CTNNA2: variants seen among roughly 807,000 people sequenced by gnomAD.
CTNNA2 encodes the protein catenin alpha 2.
Under a neutral mutation model 101.0 loss-of-function variants are expected in CTNNA2, and 42 were observed. That is an observed-to-expected ratio of 0.42 (90% CI 0.32 to 0.54). The LOEUF (loss-of-function observed/expected upper bound fraction) is 0.54. Ranked by LOEUF, CTNNA2 falls within the 20% of genes least tolerant of loss-of-function variation. The pLI is 0.14. For missense variants in CTNNA2, 871 were observed against 1,223.1 expected (o/e 0.71, Z 4.29); for synonymous variants, 450 against 456.4 (o/e 0.99, Z 0.18).
intron 7 of CTNNA2, among the ~76,000 whole-genome samples, chr2:80,064,899 G>A (rs1250600205): frequency 6.6e-6 from 1 of 152,170 alleles, no homozygotes; most frequent in Non-Finnish European, 1.5e-5. Context: ...GGATTACAGG[G>A]CCATCTTTGC....
intron 9 of CTNNA2, among the ~76,000 whole-genome samples, chr2:80,444,266 T>C (rs1347462177): frequency 1.3e-5 from 2 of 151,950 alleles, no homozygotes; most frequent in Non-Finnish European, 2.9e-5. Flanking sequence ...TTAGAAGTAT[T>C]AATTAGGCCA....
At chr2:80,589,993 T>C (rs774118023) in intron 15 of CTNNA2, among the ~76,000 whole-genome samples, 2 of 152,144 alleles carry the variant, frequency 1.3e-5, no homozygotes, top group Non-Finnish European at 2.9e-5. Context: ...TTCTTACATA[T>C]TAAGAATCAG....
intron 7 of CTNNA2, among the ~76,000 whole-genome samples, chr2:80,011,968 G>A (rs1177155284): frequency 2.0e-5 from 3 of 152,162 alleles, no homozygotes; most frequent in African/African-American, 7.2e-5. Flanking sequence ...CAGTACAACT[G>A]AAGCAGTCAT....
intron 11 of CTNNA2, among the ~76,000 whole-genome samples, chr2:80,547,429 T>A (rs1380007408): frequency 3.3e-5 from 5 of 152,142 alleles, no homozygotes; most frequent in Non-Finnish European, 7.4e-5. Flanking sequence ...AAAATCCAGA[T>A]CATCCTCTTT....
chr2:80,340,484 T>C (rs535430385), intron 7 of CTNNA2, among the ~76,000 whole-genome samples: 2 of 152,350 alleles, frequency 1.3e-5, no homozygotes, highest in Admixed American at 6.5e-5. Flanking sequence ...TTAATCTTCA[T>C]AATTTTCTAC....
upstream of CTNNA2, among the ~76,000 whole-genome samples, chr2:79,510,938 A>G (rs1284878723): frequency 6.6e-6 from 1 of 152,240 alleles, no homozygotes; most frequent in African/African-American, 2.4e-5. Context: ...AATTGCAATT[A>G]AAACAAAAAT....
chr2:80,368,722 T>A (rs1282910066), intron 7 of CTNNA2, among the ~76,000 whole-genome samples: 1 of 151,490 alleles, frequency 6.6e-6, no homozygotes, highest in Non-Finnish European at 1.5e-5. Flanking sequence ...TAAATATCTC[T>A]AACTGTTTTT....
intron 1 of CTNNA2, among the ~76,000 whole-genome samples, chr2:79,536,006 C>G (rs1171902213): frequency 6.6e-6 from 1 of 152,146 alleles, no homozygotes; most frequent in African/African-American, 2.4e-5. Context: ...TATAAGTTAA[C>G]TGGATGGTAC....
At chr2:80,578,701 C>G (rs1261590682) in intron 13 of CTNNA2, among the ~76,000 whole-genome samples, 1 of 152,118 alleles carries the variant, frequency 6.6e-6, no homozygotes, top group Admixed American at 6.6e-5. Flanking sequence ...GGCTCTGAAA[C>G]CGTCAACTTG....
chr2:80,496,795 T>C (rs1687511959), intron 9 of CTNNA2, among the ~76,000 whole-genome samples: 1 of 152,248 alleles, frequency 6.6e-6, no homozygotes, highest in Non-Finnish European at 1.5e-5. Context: ...GTTGCATTCA[T>C]AAGGAGAAAG....
At chr2:79,680,461 T>TAA (rs531704172) in intron 2 of CTNNA2, among the ~76,000 whole-genome samples, 1 of 151,894 alleles carries the variant, frequency 6.6e-6, no homozygotes, top group African/African-American at 2.4e-5. Flanking sequence ...CACAGAGGTG[T>TAA]CAAAAAAATG....
intron 7 of CTNNA2, among the ~76,000 whole-genome samples, chr2:80,225,395 A>G (rs1708824061): frequency 6.6e-6 from 1 of 152,140 alleles, no homozygotes; most frequent in Non-Finnish European, 1.5e-5. Flanking sequence ...GGTTCTTAAG[A>G]TTTATGACAG....
chr2:80,581,565 C>T (rs1278145717), intron 13 of CTNNA2, 141 bp from the exon 14 acceptor site: 9 of 566,124 alleles, frequency 1.6e-5, no homozygotes, highest in Non-Finnish European at 2.6e-5. Flanking sequence ...GGCTAATACT[C>T]ACCCACATAG....
chr2:80,564,711 G>A (rs138611910), intron 12 of CTNNA2, among the ~76,000 whole-genome samples: 4 of 152,222 alleles, frequency 2.6e-5, no homozygotes, highest in Non-Finnish European at 4.4e-5. Flanking sequence ...TGATTGACTC[G>A]GATGAAAGAA....
intron 6 of CTNNA2, among the ~76,000 whole-genome samples, chr2:79,891,629 A>G (rs576639934): frequency 1.1e-4 from 17 of 152,294 alleles, no homozygotes; most frequent in African/African-American, 4.1e-4. Flanking sequence ...CAGTGGATGC[A>G]TGCTGTTTTT....
chr2:79,194,207 A>C (rs1048462325), intron 1 of CTNNA2, among the ~76,000 whole-genome samples: 1 of 152,158 alleles, frequency 6.6e-6, no homozygotes, highest in African/African-American at 2.4e-5. Flanking sequence ...AAGAATACTG[A>C]GAGGGTTTTT....
intron 7 of CTNNA2, among the ~76,000 whole-genome samples, chr2:79,970,662 T>C (rs1275472190): frequency 6.6e-6 from 1 of 152,160 alleles, no homozygotes; most frequent in East Asian, 1.9e-4. Context: ...TCAGGAATTT[T>C]ATTCTGTCGG....
At position 80,234,180 on chromosome 2, in the gene CTNNA2, C is replaced by T. The variant is rs1709419355; in HGVS notation, c.1057-159031C>T. 2.0e-5 allele frequency among the ~76,000 whole-genome samples: 3 copies of T among 152,164 alleles called. No individual in the cohort carries two copies. In the South Asian group the frequency reaches 6.2e-4, roughly 32 times the overall value. ...TCCTGCCTCAGCCTCCCAAGGTACG[C>T]ACCAGCATGCCCAGCTAATTTTTGT... On this transcript the variant is annotated intron_variant, in intron 7 of 18. Transcript: ENST00000402739.
intron 8 of CTNNA2, among the ~76,000 whole-genome samples, chr2:80,409,792 A>G (rs542398151): frequency 6.6e-6 from 1 of 152,294 alleles, no homozygotes; most frequent in South Asian, 2.1e-4. Context: ...TTTCTTTGGC[A>G]TAACACTTAA....
Sources: gnomAD v4.1 joint callset for allele counts (sites outside exome capture counted in the v4.1 genomes callset) on GRCh38, gnomAD v4.1.1 for gene constraint, MANE v1.5 for transcripts, NCBI Gene and HGNC (gene_info 2026-07-23, HGNC 2026-07-21) for gene names.